The following PLCB1 variants were observed in gnomAD, a reference collection of about 807,000 sequenced individuals.
The protein encoded by PLCB1 is phospholipase C beta 1.
In PLCB1, 46 loss-of-function variants were observed where a neutral mutation model predicts 161.8. The observed-to-expected ratio is 0.28, with a 90% CI of 0.22 to 0.36. The LOEUF is 0.36. PLCB1 is among the 10% of genes least tolerant of loss of function. The pLI, the probability that PLCB1 is intolerant of heterozygous loss-of-function variation, is 1.00. For missense variants in PLCB1, 1,016 were observed against 1,472.5 expected (o/e 0.69, Z 5.07); for synonymous variants, 517 against 503.7 (o/e 1.03, Z -0.35).
intron 3 of PLCB1, among the ~76,000 whole-genome samples, chr20:8,562,437 A>G (rs939335958): frequency 5.3e-5 from 8 of 152,100 alleles, no homozygotes; most frequent in African/African-American, 1.9e-4. Flanking sequence ...ACTTTGGGAA[A>G]AAGAAGCAGG....
chr20:8,594,385 T>C (rs1457877298), intron 3 of PLCB1, among the ~76,000 whole-genome samples: 1 of 151,624 alleles, frequency 6.6e-6, no homozygotes, highest in African/African-American at 2.4e-5. Context: ...CACGCTACAA[T>C]ACATTGCCTT....
intron 2 of PLCB1, among the ~76,000 whole-genome samples, chr20:8,198,063 C>G (rs2052047033): frequency 6.6e-6 from 1 of 152,012 alleles, no homozygotes; most frequent in Non-Finnish European, 1.5e-5. Flanking sequence ...GTTACTGTAG[C>G]CTTGTAGTAT....
At chr20:8,849,365 A>C (rs1986807630) in intron 31 of PLCB1, among the ~76,000 whole-genome samples, 1 of 152,166 alleles carries the variant, frequency 6.6e-6, no homozygotes, top group Non-Finnish European at 1.5e-5. Context: ...TCATACAACT[A>C]TTCACTGACA....
At chr20:8,152,625 TCTCTC>T (rs1233085112) in intron 2 of PLCB1, among the ~76,000 whole-genome samples, 1 of 151,812 alleles carries the variant, frequency 6.6e-6, no homozygotes, top group African/African-American at 2.4e-5. Flanking sequence ...ATAGAGATAA[TCTCTC>T]AGAAAACAAA....
intron 31 of PLCB1, among the ~76,000 whole-genome samples, chr20:8,813,067 T>G (rs1400547223): frequency 6.6e-6 from 1 of 152,210 alleles, no homozygotes; most frequent in African/African-American, 2.4e-5. Context: ...TCTAACCTGA[T>G]TTCAGGTTTC....
chr20:8,475,030 CACAG>C (rs146211918), intron 3 of PLCB1, among the ~76,000 whole-genome samples: 131 of 150,980 alleles, frequency 8.7e-4, no homozygotes, highest in African/African-American at 3.1e-3. Flanking sequence ...CACACACACA[CACAG>C]ACACACACAC....
chr20:8,735,825 A>G (rs1348678984), intron 19 of PLCB1, among the ~76,000 whole-genome samples: 2 of 152,220 alleles, frequency 1.3e-5, no homozygotes, highest in Non-Finnish European at 2.9e-5. Context: ...ACTCAAGCCA[A>G]ATAGAACATA....
chr20:8,575,046 TC>T (rs914150050), intron 3 of PLCB1, among the ~76,000 whole-genome samples: 2 of 152,186 alleles, frequency 1.3e-5, no homozygotes, highest in Non-Finnish European at 2.9e-5. Flanking sequence ...GACCTCCAAT[TC>T]CCCCTTAGGA....
At chr20:8,471,871 C>T (rs939424321) in intron 3 of PLCB1, among the ~76,000 whole-genome samples, 2 of 152,058 alleles carry the variant, frequency 1.3e-5, no homozygotes, top group Admixed American at 6.6e-5. Context: ...CTTCTCATTT[C>T]GGTAATGTTT....
At chr20:8,256,280 A>G (rs1343441502) in intron 2 of PLCB1, among the ~76,000 whole-genome samples, 2 of 152,152 alleles carry the variant, frequency 1.3e-5, no homozygotes, top group Non-Finnish European at 2.9e-5. Flanking sequence ...TAGCAGTTTA[A>G]GCTGGCCTAT....
intron 3 of PLCB1, among the ~76,000 whole-genome samples, chr20:8,381,873 G>T: frequency 6.6e-6 from 1 of 151,562 alleles, no homozygotes; most frequent in Middle Eastern, 3.4e-3. Flanking sequence ...TATCTATTTT[G>T]TTAATTTTTT....
intron 2 of PLCB1, among the ~76,000 whole-genome samples, chr20:8,219,671 C>T (rs1979307309): frequency 6.6e-6 from 1 of 152,246 alleles, no homozygotes; most frequent in Middle Eastern, 3.4e-3. Context: ...ACCAACAGCT[C>T]GGATTTATGT....
chr20:8,465,875 G>A (rs955545326), intron 3 of PLCB1, among the ~76,000 whole-genome samples: 4 of 150,824 alleles, frequency 2.7e-5, no homozygotes, highest in Admixed American at 2.0e-4. Flanking sequence ...CACTGTTGGT[G>A]GGACTGTAAA....
chr20:8,142,827 C>A (rs1370745344), intron 1 of PLCB1, among the ~76,000 whole-genome samples: 1 of 152,190 alleles, frequency 6.6e-6, no homozygotes, highest in African/African-American at 2.4e-5. Flanking sequence ...TCTTTGTGTA[C>A]AGAGGCAATG....
At chr20:8,734,482 A>C (rs1398144382) in intron 19 of PLCB1, among the ~76,000 whole-genome samples, 2 of 152,082 alleles carry the variant, frequency 1.3e-5, no homozygotes, top group Admixed American at 6.5e-5. Flanking sequence ...ATTTTAAAAC[A>C]CATATTAATG....
chr20:8,548,314 CTT>C (rs1985639318), intron 3 of PLCB1, among the ~76,000 whole-genome samples: 2 of 139,310 alleles, frequency 1.4e-5, no homozygotes, highest in African/African-American at 5.4e-5. Flanking sequence ...GTCTTCCTTC[CTT>C]CCATCATTTT....
At chr20:8,592,780 T>G (rs149066969) in intron 3 of PLCB1, among the ~76,000 whole-genome samples, 158 of 152,320 alleles carry the variant, frequency 1.0e-3, no homozygotes, top group African/African-American at 3.6e-3. Flanking sequence ...GTATTTCTGT[T>G]TTTAATCTAG....
intron 8 of PLCB1, 102 bp downstream of exon 8, chr20:8,657,386 A>G: frequency 1.3e-6 from 1 of 749,952 alleles, no homozygotes; most frequent in Non-Finnish European, 2.4e-6. Flanking sequence ...AGAACATCAT[A>G]CACTGTGTCT....
chr20:8,461,400 TCAC>T (rs1981571887), intron 3 of PLCB1, among the ~76,000 whole-genome samples: 1 of 152,168 alleles, frequency 6.6e-6, no homozygotes, highest in Non-Finnish European at 1.5e-5. Flanking sequence ...TTCTGACAAG[TCAC>T]TTAATCCCTC....
Sources: allele counts gnomAD v4.1 joint callset (sites outside exome capture counted in the v4.1 genomes callset), GRCh38; gene constraint gnomAD v4.1.1; transcripts MANE v1.5; gene names NCBI Gene and HGNC (gene_info 2026-07-23, HGNC 2026-07-21).